The following TNPO1 variants were observed in gnomAD, a reference collection of about 807,000 sequenced individuals.
TNPO1 encodes transportin-1.
Under a neutral mutation model 119.5 loss-of-function variants are expected in TNPO1, and 8 were observed. The ratio of observed to expected loss-of-function variants is 0.07; its 90% confidence interval spans 0.04 to 0.12. The LOEUF is 0.12. TNPO1 is among the 10% of genes least tolerant of loss of function. TNPO1 has a pLI of 1.00. For missense variants in TNPO1, 576 were observed against 1,089.8 expected, an observed-to-expected ratio of 0.53 and a Z score of 6.64; for synonymous variants, 362 against 363.0, an observed-to-expected ratio of 1.00 and a Z score of 0.03.
chr5:72,859,152 G>C (rs539677830), intron 4 of TNPO1, among the ~76,000 whole-genome samples: 10 of 152,250 alleles, frequency 6.6e-5, no homozygotes, highest in Non-Finnish European at 1.3e-4. Flanking sequence ...AGTAGTGCAA[G>C]TACTCTGACT....
intron 4 of TNPO1, among the ~76,000 whole-genome samples, chr5:72,856,776 G>A (rs1746031615): frequency 6.6e-6 from 1 of 152,136 alleles, no homozygotes; most frequent in South Asian, 2.1e-4. Context: ...ATGTAATACT[G>A]AATTAACATG....
chr5:72,891,959 A>G (rs1481223521), intron 15 of TNPO1, 63 bp downstream of exon 15: 3 of 1,237,190 alleles, frequency 2.4e-6, no homozygotes, highest in East Asian at 2.4e-5. Flanking sequence ...CAAAATGGGT[A>G]TATATGATAA....
chr5:72,878,179 A>G (rs1747951084), intron 9 of TNPO1, among the ~76,000 whole-genome samples: 2 of 152,254 alleles, frequency 1.3e-5, no homozygotes, highest in South Asian at 4.1e-4. Context: ...GTTCTCTGCC[A>G]TTGAATATTT....
intron 1 of TNPO1, among the ~76,000 whole-genome samples, chr5:72,838,889 C>T (rs937184646): frequency 2.0e-5 from 3 of 152,080 alleles, no homozygotes; most frequent in African/African-American, 4.8e-5. Context: ...AGACAGTTTC[C>T]TTAACTCACA....
intron 9 of TNPO1, among the ~76,000 whole-genome samples, chr5:72,881,564 A>T (rs761508267): frequency 5.3e-5 from 8 of 152,200 alleles, no homozygotes; most frequent in Non-Finnish European, 1.0e-4. Context: ...GTGGTCTTCA[A>T]CCGCAAGTGG....
chr5:72,866,394 A>G (rs1382305019), intron 6 of TNPO1, among the ~76,000 whole-genome samples: 1 of 152,124 alleles, frequency 6.6e-6, no homozygotes, highest in Non-Finnish European at 1.5e-5. Context: ...CCCCCTTTTA[A>G]CATTTTAACT....
intron 21 of TNPO1, among the ~76,000 whole-genome samples, chr5:72,900,354 A>G (rs1217123440): frequency 6.6e-6 from 1 of 152,238 alleles, no homozygotes; most frequent in Non-Finnish European, 1.5e-5. Flanking sequence ...CATAAAAAGC[A>G]TTTAAATATC....
intron 6 of TNPO1, among the ~76,000 whole-genome samples, chr5:72,867,605 A>C (rs773935228): frequency 6.6e-6 from 1 of 152,240 alleles, no homozygotes. Context: ...TAACATAAGC[A>C]ATCAGATCCA....
chr5:72,880,759 T>A (rs1748181223), intron 9 of TNPO1, among the ~76,000 whole-genome samples: 1 of 139,698 alleles, frequency 7.2e-6, no homozygotes, highest in Admixed American at 8.3e-5. Flanking sequence ...GAGATTGCAG[T>A]GAGCCAAGAT....
At chr5:72,888,403 C>T (rs1244007603) in intron 13 of TNPO1, 100 bp downstream of exon 13, 7 of 1,047,936 alleles carry the variant, frequency 6.7e-6, no homozygotes, top group African/African-American at 4.8e-5. Context: ...TGAAGTGTTT[C>T]GTAATTGAAA....
chr5:72,906,719 C>A (rs969500165), intron 24 of TNPO1, among the ~76,000 whole-genome samples: 1 of 152,150 alleles, frequency 6.6e-6, no homozygotes, highest in Non-Finnish European at 1.5e-5. Flanking sequence ...CATCTCTGAG[C>A]TTCGGTTTTG....
At chr5:72,868,876 C>T (rs1580426925) in intron 6 of TNPO1, among the ~76,000 whole-genome samples, 1 of 151,928 alleles carries the variant, frequency 6.6e-6, no homozygotes, top group Admixed American at 6.6e-5. Flanking sequence ...GACGTGGTGG[C>T]GGGTGCTTGT....
chr5:72,870,916 G>T (rs1384149526), intron 6 of TNPO1, among the ~76,000 whole-genome samples: 1 of 152,120 alleles, frequency 6.6e-6, no homozygotes, highest in Non-Finnish European at 1.5e-5. Flanking sequence ...ATTAGCTCAT[G>T]TAGTTTAATC....
chr5:72,830,628 G>A (rs1437392993), intron 1 of TNPO1, among the ~76,000 whole-genome samples: 7 of 152,116 alleles, frequency 4.6e-5, no homozygotes, highest in Admixed American at 4.6e-4. Context: ...TGCACAGTAT[G>A]CTTATAATAA....
rs200691585 is a variant in TNPO1 at position 72,868,431 on chromosome 5, CAAAAAAAAAAAAAAAAAAA to C, written c.596+2712_596+2730del. 1.5e-4 allele frequency among the ~76,000 whole-genome samples: 4 copies of C among 27,070 alleles called. No homozygotes were observed. In the East Asian group the frequency reaches 6.0e-3, roughly 40 times the overall value. 17.8% of individuals were successfully genotyped at this position (27,070 alleles called of 152,430 possible). A position where few individuals can be genotyped will look rare whatever the true frequency, so the allele number is the denominator to read the frequency against. On this transcript the variant is annotated intron_variant, in intron 6 of 24. Coordinates refer to ENST00000337273, the MANE Select transcript of TNPO1 (RefSeq NM_002270.4). The stretch of plus-strand genomic sequence containing the variant: ...TGGATGACAGAGCAAGACTCCGTCT[CAAAAAAAAAAAAAAAAAAA>C]AAAAAAAAACACAAAATAATATATC...
chr5:72,828,645 G>A (rs750669552), intron 1 of TNPO1, among the ~76,000 whole-genome samples: 4 of 152,074 alleles, frequency 2.6e-5, no homozygotes, highest in Non-Finnish European at 4.4e-5. Context: ...AACTGCATAC[G>A]TGAGCAAATT....
At chr5:72,821,987 T>C (rs1257269648) in intron 1 of TNPO1, among the ~76,000 whole-genome samples, 1 of 152,150 alleles carries the variant, frequency 6.6e-6, no homozygotes, top group Non-Finnish European at 1.5e-5. Context: ...CAAAAACAGT[T>C]ATGAAACCAA....
In TNPO1 at chr5:72,889,849, T is replaced by C; in HGVS notation, c.1593T>C (p.Leu531=). 6.2e-7 allele frequency: 1 copy of C among 1,613,780 alleles called. No homozygotes were observed. The stretch of plus-strand genomic sequence containing the variant: ...TTGTTCCTTACCTTGCTTATATACT[T>C]GATACCCTGGTCTTTGCATTTAGTA... ...TELVPYLAYI[L]DTLVFAFSKY... is the part of the protein sequence containing the mutation. The change falls in exon 14 of 25, where the codon CTT becomes CTC. Residue 531 remains leucine, a synonymous_variant. Transcript: ENST00000337273.
intron 2 of TNPO1, among the ~76,000 whole-genome samples, chr5:72,849,066 A>G (rs1488924298): frequency 6.6e-6 from 1 of 152,104 alleles, no homozygotes; most frequent in African/African-American, 2.4e-5. Flanking sequence ...CTGGGGACCT[A>G]CAGGTGGGGG....
Sources: gnomAD v4.1 joint callset for allele counts (sites outside exome capture counted in the v4.1 genomes callset) on GRCh38, gnomAD v4.1.1 for gene constraint, MANE v1.5 for transcripts, NCBI Gene and HGNC (gene_info 2026-07-23, HGNC 2026-07-21) for gene names.